Variants in PHF8 observed in about 807,000 individuals in gnomAD.
PHF8 encodes PHD finger protein 8.
Under a neutral mutation model 74.4 loss-of-function variants are expected in PHF8, and 9 were observed. The ratio of observed to expected loss-of-function variants is 0.12; its 90% CI spans 0.07 to 0.21. The LOEUF is 0.21. Among genes scored for constraint, PHF8 ranks in the 10% least tolerant of loss-of-function variants. PHF8 has a pLI of 1.00. For synonymous variants in PHF8, 311 were observed against 316.6 expected, an observed-to-expected ratio of 0.98 and a Z score of 0.19; for missense variants, 478 against 816.6, an observed-to-expected ratio of 0.59 and a Z score of 5.05.
At chrX:53,956,378 A>C (rs1557088688) in intron 19 of PHF8, among the ~76,000 whole-genome samples, 1 of 111,901 alleles carries the variant, frequency 8.9e-6, no homozygotes, top group Admixed American at 9.6e-5. Flanking sequence ...GATACGTATG[A>C]GTCAGTACAC....
intron 8 of PHF8, among the ~76,000 whole-genome samples, chrX:54,003,203 T>A (rs1368239763): frequency 2.7e-5 from 3 of 112,489 alleles, no homozygotes; most frequent in Non-Finnish European, 3.7e-5. Context: ...TATTTTAATT[T>A]ATATGGTAAA....
In PHF8 at chrX:54,042,763, AG is replaced by A; in HGVS notation, c.-36del. 1 of 1,194,109 alleles carries A rather than the reference AG, an allele frequency of 8.4e-7. No individual in the cohort carries two copies. Among genetic ancestry groups the A allele is most frequent in the Non-Finnish European group, 1.1e-6 (1 of 885,324 alleles). ...GCCCTGGAGCGTTCTGCGGCCGGCC[AG>A]GTTCGTCGTGTCAAGAGGGGCGGGA... On this transcript the variant is annotated 5_prime_UTR_variant, in exon 2 of 22. Coordinates refer to ENST00000338154, the MANE Select transcript of PHF8 (RefSeq NM_015107.3).
chrX:54,005,622 T>TAAAAAAA (rs782521734), intron 8 of PHF8, among the ~76,000 whole-genome samples: 1 of 67,383 alleles, frequency 1.5e-5, no homozygotes, highest in African/African-American at 5.5e-5. Flanking sequence ...GCAGAAAACT[T>TAAAAAAA]AAAAAAAAAA....
chrX:53,946,250 T>C (rs1557085143), intron 19 of PHF8, among the ~76,000 whole-genome samples: 1 of 112,263 alleles, frequency 8.9e-6, no homozygotes, highest in African/African-American at 3.2e-5. Flanking sequence ...AAACTTATAA[T>C]GATGAGATCA....
At chrX:53,981,084 T>G (rs1761903840) in intron 18 of PHF8, among the ~76,000 whole-genome samples, 1 of 111,896 alleles carries the variant, frequency 8.9e-6, no homozygotes, top group African/African-American at 3.2e-5. Flanking sequence ...CGTGGTGGCG[T>G]GTGCCTGTAA....
intron 4 of PHF8, among the ~76,000 whole-genome samples, chrX:54,021,368 T>C (rs2066166752): frequency 9.1e-6 from 1 of 109,737 alleles, no homozygotes; most frequent in South Asian, 3.9e-4. Flanking sequence ...ATGGGACCAT[T>C]TGCACCCCAA....
At chrX:53,949,811 CAAAAAAAAAAA>C (rs11353359) in intron 19 of PHF8, among the ~76,000 whole-genome samples, 2 of 24,349 alleles carry the variant, frequency 8.2e-5, no homozygotes, top group Non-Finnish European at 8.1e-5. Flanking sequence ...GACTCCGTCT[CAAAAAAAAAAA>C]AAAAAAAAAA....
chrX:54,018,931 T>C (rs782784787), intron 4 of PHF8, among the ~76,000 whole-genome samples: 33 of 111,997 alleles, frequency 2.9e-4, no homozygotes, highest in Non-Finnish European at 1.5e-4. Flanking sequence ...GCCTATCTCA[T>C]TCTTTACATA....
In PHF8 at chrX:53,938,929, C is replaced by T. The variant is rs2064707318; in HGVS notation, c.*229G>A. 1 of 977,608 alleles carries T rather than the reference C, an allele frequency of 1.0e-6. No homozygotes were observed. Among genetic ancestry groups the T allele is most frequent in the Non-Finnish European group, 1.3e-6 (1 of 778,442 alleles). The allele number at this position is 977,608 out of a possible 1,213,427, so 80.6% of individuals were successfully genotyped here. ...GGTTCTAGTCAGCTGGAAACCTCTC[C>T]CATTTACCTGCTCCTCAGTGGAGAA... On this transcript the variant is annotated 3_prime_UTR_variant, in exon 22 of 22. Coordinates refer to ENST00000338154, the MANE Select transcript of PHF8 (RefSeq NM_015107.3).
At chrX:54,009,283 T>C (rs1032801521) in intron 8 of PHF8, among the ~76,000 whole-genome samples, 3 of 111,768 alleles carry the variant, frequency 2.7e-5, no homozygotes, top group Non-Finnish European at 5.6e-5. Flanking sequence ...TTTAAAATGG[T>C]AAATTTTACA....
At chrX:54,009,844 GAAAAAAAAAAAAAAAAAAA>G (rs782363250) in intron 8 of PHF8, among the ~76,000 whole-genome samples, 69 of 9,389 alleles carry the variant, frequency 7.3e-3, no homozygotes, top group African/African-American at 8.6e-3. Context: ...CTCTGTCTCA[GAAAAAAAAAAAAAAAAAAA>G]AAAAAAAAAA....
At position 53,962,986 on chromosome X, in the gene PHF8, G is replaced by A. The variant is rs370410088; in HGVS notation, c.2444-47C>T. The stretch of plus-strand genomic sequence containing the variant: ...GGGTAAAATGAGATTTCATCCAAAG[G>A]GTGAAGATAGAATGACACCTACTCC... On this transcript the variant is annotated intron_variant, in intron 18 of 21. Transcript: ENST00000338154. The A allele has an allele frequency of 1.4e-4, 114 of 797,253 alleles. 1 individual carries two copies. In the Middle Eastern group the frequency reaches 3.3e-3, roughly 23 times the overall value. 65.7% of individuals were successfully genotyped at this position (797,253 alleles called of 1,213,427 possible).
intron 19 of PHF8, among the ~76,000 whole-genome samples, chrX:53,953,110 C>T (rs1308472357): frequency 1.9e-5 from 2 of 107,020 alleles, no homozygotes; most frequent in African/African-American, 6.8e-5. Flanking sequence ...CCCGTCTCCA[C>T]TAAACACACA....
intron 8 of PHF8, among the ~76,000 whole-genome samples, chrX:54,005,245 A>G (rs1296595883): frequency 9.0e-6 from 1 of 110,525 alleles, no homozygotes; most frequent in African/African-American, 3.3e-5. Flanking sequence ...AGGCAGGCAG[A>G]TCACCTGAGG....
intron 18 of PHF8, among the ~76,000 whole-genome samples, chrX:53,973,486 C>G (rs2065326082): frequency 9.0e-6 from 1 of 111,287 alleles, no homozygotes; most frequent in Non-Finnish European, 1.9e-5. Context: ...AGAAGTTAGA[C>G]CACACACCTA....
At chrX:54,001,131 T>C (rs1156637854) in intron 10 of PHF8, among the ~76,000 whole-genome samples, 3 of 110,915 alleles carry the variant, frequency 2.7e-5, no homozygotes, top group Non-Finnish European at 5.7e-5. Context: ...ATTGAGACCA[T>C]CCTGGCCAAC....
chrX:53,957,894 A>G (rs1557089256), intron 19 of PHF8, among the ~76,000 whole-genome samples: 1 of 111,662 alleles, frequency 9.0e-6, no homozygotes, highest in Non-Finnish European at 1.9e-5. Flanking sequence ...GCACTCACTA[A>G]GGATGCTTGA....
chrX:53,989,659 A>G (rs1254519724), intron 14 of PHF8, among the ~76,000 whole-genome samples: 2 of 112,442 alleles, frequency 1.8e-5, no homozygotes, highest in African/African-American at 3.2e-5. Flanking sequence ...ACTGCTGAAA[A>G]AAACCTCATA....
At chrX:54,041,388 TAAA>T (rs370388675) in intron 2 of PHF8, among the ~76,000 whole-genome samples, 1 of 43,522 alleles carries the variant, frequency 2.3e-5, no homozygotes, top group African/African-American at 8.4e-5. Context: ...TTGTCTCAAA[TAAA>T]AAAAAAAAAA....
Sources: allele counts gnomAD v4.1 joint callset (sites outside exome capture counted in the v4.1 genomes callset), GRCh38; gene constraint gnomAD v4.1.1; transcripts MANE v1.5; gene names NCBI Gene and HGNC (gene_info 2026-07-23, HGNC 2026-07-21).